The following ATRN variants were observed in gnomAD, a reference collection of about 807,000 sequenced individuals.
ATRN encodes the protein attractin.
Under a neutral mutation model 178.7 loss-of-function variants are expected in ATRN, and 54 were observed. The observed-to-expected ratio is 0.30, with a 90% CI of 0.24 to 0.38. The LOEUF (loss-of-function observed/expected upper bound fraction) is 0.38, where lower values mean the gene tolerates loss of function less well. Ranked by LOEUF, ATRN falls within the 10% of genes least tolerant of loss-of-function variation. The pLI is 1.00. For missense variants in ATRN, 1,443 were observed against 1,815.1 expected, an observed-to-expected ratio of 0.79 and a Z score of 3.73; for synonymous variants, 636 against 663.0, an observed-to-expected ratio of 0.96 and a Z score of 0.63.
At chr20:3,580,739 A>C (rs935215632) in intron 15 of ATRN, among the ~76,000 whole-genome samples, 5 of 152,106 alleles carry the variant, frequency 3.3e-5, no homozygotes, top group African/African-American at 1.2e-4. Context: ...TGCAGGCTGG[A>C]TGGGAGGGGA....
chr20:3,645,052 A>G lies in ATRN; in HGVS notation c.4165+784A>G, dbSNP rs748838597. ...ATATAAACTTCTATTTTGAAGACAG[A>G]AAATATGGAATACAGTTTTGAAAGT... is the stretch of plus-strand genomic sequence containing the variant. On this transcript the variant is annotated intron_variant, in intron 28 of 28. Coordinates refer to ENST00000262919, the MANE Select transcript of ATRN (RefSeq NM_139321.3). The surrounding 1 kb of genome is among the most constrained non-coding windows in gnomAD (Gnocchi z 4.7). Among the ~76,000 whole-genome samples the G allele has an allele frequency of 1.2e-4, 19 of 152,274 alleles. No homozygotes were observed. The highest frequency in any genetic ancestry group is 1.8e-4 in the Non-Finnish European group (12 of 68,050).
rs1362396313 is a variant in ATRN, at chr20:3,646,713, T to C, written c.4166-10T>C. On this transcript the variant is annotated splice_polypyrimidine_tract_variant and intron_variant, in intron 28 of 28. Coordinates refer to ENST00000262919, the MANE Select transcript of ATRN (RefSeq NM_139321.3). ...CTCCCAGCATATGTTCTCTCTGTGG[T>C]TCTCCCAAGGTCTTGCTGTGGCCAG... 3.1e-6 allele frequency: 5 copies of C among 1,593,424 alleles called. No homozygotes were observed. The East Asian group carries it at 1.1e-4, about 36-fold the overall frequency.
intron 11 of ATRN, among the ~76,000 whole-genome samples, chr20:3,571,662 G>A (rs1296730115): frequency 2.6e-5 from 4 of 151,080 alleles, no homozygotes; most frequent in African/African-American, 9.8e-5. Context: ...CTTCTCATAT[G>A]TTTAAGGTCA....
In ATRN at chr20:3,638,981, T is replaced by G; in HGVS notation, c.4050+46T>G. On this transcript the variant is annotated intron_variant, in intron 27 of 28. Transcript: ENST00000262919. The surrounding 1 kb of genome is among the most constrained non-coding windows in gnomAD (Gnocchi z 4.5). ...TCCCTATAACTTGACTTTTTAAAACTTAGGCTCCTAAGTCTGGGAAACCAG... is the reference window on the plus strand; with the variant it reads ...TCCCTATAACTTGACTTTTTAAAACGTAGGCTCCTAAGTCTGGGAAACCAG... 1 of 1,505,480 alleles carries G rather than the reference T, an allele frequency of 6.6e-7. No individual in the cohort carries two copies. The highest frequency in any genetic ancestry group is 9.1e-7 in the Non-Finnish European group (1 of 1,095,752). 93.3% of individuals were successfully genotyped at this position (1,505,480 alleles called of 1,614,324 possible).
intron 24 of ATRN, chr20:3,615,823 C>T (rs2086838871): frequency 6.6e-6 from 3 of 454,852 alleles, no homozygotes; most frequent in African/African-American, 6.0e-5. Flanking sequence ...TGTTCTCATT[C>T]ATAGGTGCAA....
chr20:3,620,219 AGTTTT>A (rs58441132), intron 24 of ATRN, among the ~76,000 whole-genome samples: 33,605 of 148,170 alleles, frequency 0.23, 3,830 homozygotes, highest in Non-Finnish European at 0.25. Flanking sequence ...GCACAGGAGG[AGTTTT>A]GTTTTGTTTT....
chr20:3,510,646 A>G (rs2085114067), intron 1 of ATRN, among the ~76,000 whole-genome samples: 1 of 152,094 alleles, frequency 6.6e-6, no homozygotes, highest in Admixed American at 6.6e-5. Context: ...TCCTTGACCA[A>G]AATACTGCAT....
chr20:3,647,039 C>G lies in ATRN; in HGVS notation c.*192C>G. ...CTCCCATCCGTGTTCCAGCATCTAA[C>G]CTTTTACTTTTGCATAGGAAATACT... On this transcript the variant is annotated 3_prime_UTR_variant, in exon 29 of 29. Transcript: ENST00000262919. 1.4e-6 allele frequency: 1 copy of G among 716,312 alleles called. No homozygotes were observed. Among genetic ancestry groups the G allele is most frequent in the East Asian group, 3.1e-5 (1 of 32,012 alleles). The allele number at this position is 716,312 out of a possible 1,614,324, so 44.4% of individuals were successfully genotyped here. A position where few individuals can be genotyped will look rare whatever the true frequency, so the allele number is the denominator to read the frequency against.
At chr20:3,475,567 T>C (rs1020202519) in intron 1 of ATRN, among the ~76,000 whole-genome samples, 2 of 152,222 alleles carry the variant, frequency 1.3e-5, no homozygotes, top group African/African-American at 2.4e-5. Context: ...TTCATTCTTA[T>C]GTGAATCTTC....
chr20:3,648,331 CTG>C lies in ATRN; in HGVS notation c.*1485_*1486del, dbSNP rs199733540. 8.6e-3 allele frequency: 1,313 copies of C among 152,754 alleles called. 10 individuals are homozygous for C. Among genetic ancestry groups the C allele is most frequent in the Non-Finnish European group, 0.012 (843 of 68,042 alleles). 9.5% of individuals were successfully genotyped at this position (152,754 alleles called of 1,614,324 possible). ...AAATTTAAGAGGGTGGGACAGTCCC[CTG>C]CTCCTCTCCCAGAGGGCACTGCTTG... On this transcript the variant is annotated 3_prime_UTR_variant, in exon 29 of 29. Coordinates refer to ENST00000262919, the MANE Select transcript of ATRN (RefSeq NM_139321.3).
intron 25 of ATRN, among the ~76,000 whole-genome samples, chr20:3,628,226 A>C (rs1255895694): frequency 2.0e-5 from 3 of 151,992 alleles, no homozygotes; most frequent in Non-Finnish European, 4.4e-5. Flanking sequence ...GAGATAAAGC[A>C]TTTGATAAAA....
At chr20:3,595,235 G>A (rs2086510918) in intron 20 of ATRN, among the ~76,000 whole-genome samples, 1 of 152,218 alleles carries the variant, frequency 6.6e-6, no homozygotes, top group South Asian at 2.1e-4. Flanking sequence ...GTTGAAACAG[G>A]AAGGATAGTT....
intron 11 of ATRN, among the ~76,000 whole-genome samples, chr20:3,568,423 G>A (rs2086069352): frequency 6.6e-6 from 1 of 151,650 alleles, no homozygotes; most frequent in Non-Finnish European, 1.5e-5. Context: ...TAAGGCAGGA[G>A]GATCACTTGA....
At chr20:3,542,451 A>T (rs1324874149) in intron 3 of ATRN, among the ~76,000 whole-genome samples, 1 of 150,856 alleles carries the variant, frequency 6.6e-6, no homozygotes, top group African/African-American at 2.5e-5. Flanking sequence ...AAATTCTTCA[A>T]AAGAACATTA....
chr20:3,558,523 C>A (rs1187836145), intron 6 of ATRN, among the ~76,000 whole-genome samples: 6 of 130,150 alleles, frequency 4.6e-5, no homozygotes, highest in Non-Finnish European at 9.7e-5. Flanking sequence ...TAAGATATAA[C>A]AATATCATTT....
intron 1 of ATRN, among the ~76,000 whole-genome samples, chr20:3,504,595 G>A (rs1332516345): frequency 1.3e-5 from 2 of 150,390 alleles, no homozygotes; most frequent in African/African-American, 4.9e-5. Flanking sequence ...TGCGGCAGGA[G>A]AATCGCTTGA....
Position 3,584,790 on chromosome 20 carries a change from C to T in ATRN, c.3094C>T (p.Pro1032Ser). The change falls in exon 18 of 29, where the codon CCT becomes TCT. Residue 1032 changes from proline (P) to serine (S), a missense_variant. Pro to Ser is a moderately conservative substitution (Grantham distance 74). Around this residue, in one of 4 missense-constraint regions of ATRN, gnomAD observed 80 missense variants for 71.5 expected, o/e 1.12. Coordinates refer to ENST00000262919, the MANE Select transcript of ATRN (RefSeq NM_139321.3). Reference protein sequence around the residue: ...KGPVKMPSQAPTGNFYPQPLL... With the variant: ...KGPVKMPSQASTGNFYPQPLL... ...ACCAGTGAAGATGCCTTCGCAAGCCCCTACAGGAAATTTCTATCCACAGCC... is the reference window on the plus strand; with the variant it reads ...ACCAGTGAAGATGCCTTCGCAAGCCTCTACAGGAAATTTCTATCCACAGCC... 1 of 1,614,156 alleles carries T rather than the reference C, an allele frequency of 6.2e-7. No individual in the cohort carries two copies. Among genetic ancestry groups the T allele is most frequent in the Non-Finnish European group, 8.5e-7 (1 of 1,180,032 alleles).
intron 1 of ATRN, among the ~76,000 whole-genome samples, chr20:3,489,352 A>G (rs2084747378): frequency 1.3e-5 from 2 of 152,236 alleles, no homozygotes; most frequent in African/African-American, 2.4e-5. Context: ...AATATAAAAC[A>G]GATAAAACAC....
chr20:3,626,167 G>T (rs1405085458), intron 25 of ATRN, among the ~76,000 whole-genome samples: 1 of 151,142 alleles, frequency 6.6e-6, no homozygotes, highest in East Asian at 2.0e-4. Flanking sequence ...AGGAGGCAGA[G>T]GTTGCAGTGA....
Sources: allele counts gnomAD v4.1 joint callset (sites outside exome capture counted in the v4.1 genomes callset), GRCh38; gene constraint gnomAD v4.1.1; regional missense constraint gnomAD v4.1.1; non-coding constraint Gnocchi (gnomAD v3.1); transcripts MANE v1.5; gene names NCBI Gene and HGNC (gene_info 2026-07-23, HGNC 2026-07-21).